Variants in PDE4D observed in about 807,000 individuals in gnomAD.
PDE4D encodes the protein phosphodiesterase 4D.
A neutral mutation model predicts 87.4 loss-of-function variants in PDE4D; 24 were observed. The ratio of observed to expected loss-of-function variants is 0.27; its 90% confidence interval spans 0.20 to 0.39. The LOEUF is 0.39. PDE4D is among the 10% of genes least tolerant of loss of function. The pLI, the probability that PDE4D is intolerant of heterozygous loss-of-function variation, is 1.00. For synonymous variants in PDE4D, 384 were observed against 383.2 expected, an observed-to-expected ratio of 1.00 and a Z score of -0.02; for missense variants, 714 against 1,041.0, an observed-to-expected ratio of 0.69 and a Z score of 4.32.
intron 1 of PDE4D, among the ~76,000 whole-genome samples, chr5:60,401,947 A>G (rs1741128899): frequency 6.6e-6 from 1 of 152,240 alleles, no homozygotes; most frequent in African/African-American, 2.4e-5. Context: ...ATGAATCTCA[A>G]TAAAATCTAA....
intron 2 of PDE4D, among the ~76,000 whole-genome samples, chr5:60,066,854 T>C (rs34932216): frequency 0.14 from 21,874 of 152,062 alleles, 1,607 homozygotes; most frequent in Middle Eastern, 0.22. Flanking sequence ...TTCATATGTT[T>C]TTTCTATAAT....
intron 1 of PDE4D, among the ~76,000 whole-genome samples, chr5:59,509,911 C>T (rs1400370750): frequency 6.8e-6 from 1 of 146,364 alleles, no homozygotes; most frequent in African/African-American, 2.5e-5. Flanking sequence ...ATTATATAAA[C>T]TTATATATAA....
At chr5:59,651,073 G>A (rs1743392529) in intron 1 of PDE4D, among the ~76,000 whole-genome samples, 1 of 151,896 alleles carries the variant, frequency 6.6e-6, no homozygotes, top group Admixed American at 6.6e-5. Flanking sequence ...GGCCAACATA[G>A]TGAAACCCCA....
At chr5:59,860,962 G>A (rs1327607331) in intron 1 of PDE4D, among the ~76,000 whole-genome samples, 3 of 151,508 alleles carry the variant, frequency 2.0e-5, no homozygotes, top group Non-Finnish European at 4.4e-5. Flanking sequence ...GGGTTCAAGC[G>A]ATTCTCCTGA....
chr5:60,304,431 G>GT (rs1754254674), intron 1 of PDE4D, among the ~76,000 whole-genome samples: 1 of 151,384 alleles, frequency 6.6e-6, no homozygotes, highest in African/African-American at 2.4e-5. Context: ...GGATCATGAG[G>GT]TCAGGAGATC....
rs1298201143 is a variant in PDE4D at position 59,736,062 on chromosome 5, A to G, written c.455+157106T>C. ...AAATAAAGAGTCAAATTTATGTGAC[A>G]AAAAGAAATAAAATACATGTATAAC... On this transcript the variant is annotated intron_variant, in intron 1 of 14. Transcript: ENST00000340635. Among the ~76,000 whole-genome samples the G allele has an allele frequency of 3.3e-5, 5 of 152,010 alleles. No individual in the cohort carries two copies. The East Asian group carries it at 7.7e-4, about 23-fold the overall frequency.
At chr5:59,627,697 T>C (rs980608204) in intron 1 of PDE4D, among the ~76,000 whole-genome samples, 1 of 152,226 alleles carries the variant, frequency 6.6e-6, no homozygotes, top group Non-Finnish European at 1.5e-5. Flanking sequence ...AAAATAGTTT[T>C]ATAAAATATA....
intron 5 of PDE4D, among the ~76,000 whole-genome samples, chr5:59,072,897 C>T (rs1438225089): frequency 1.3e-5 from 2 of 152,164 alleles, no homozygotes; most frequent in African/African-American, 4.8e-5. Flanking sequence ...ATGACCGATT[C>T]TGAAGCCTGC....
At chr5:60,256,481 G>C (rs533600087) in intron 1 of PDE4D, among the ~76,000 whole-genome samples, 2 of 151,958 alleles carry the variant, frequency 1.3e-5, no homozygotes, top group Non-Finnish European at 2.9e-5. Context: ...CTAAACTCAT[G>C]TGTCCTTCAA....
chr5:59,117,745 C>A (rs1243110177), intron 5 of PDE4D, among the ~76,000 whole-genome samples: 1 of 151,704 alleles, frequency 6.6e-6, no homozygotes, highest in Non-Finnish European at 1.5e-5. Context: ...TAGCTTGGAA[C>A]CAGCCATGGG....
rs76983075 is a variant in PDE4D at position 59,360,249 on chromosome 5, C to T, written c.456-144281G>A. ...ATCAAGTCTCTAGTTAACAGGCATA[C>T]GGAAGAGACGAGGGTTGAGCTGAAC... is the stretch of plus-strand genomic sequence containing the variant. On this transcript the variant is annotated intron_variant, in intron 1 of 14. Coordinates refer to ENST00000340635, the MANE Select transcript of PDE4D (RefSeq NM_001104631.2). Among the ~76,000 whole-genome samples the T allele has an allele frequency of 3.0e-3, 454 of 152,196 alleles. 3 individuals are homozygous for T. The highest frequency in any genetic ancestry group is 0.01 in the African/African-American group (435 of 41,528).
chr5:60,231,345 T>C (rs772989468), intron 1 of PDE4D, among the ~76,000 whole-genome samples: 1 of 151,992 alleles, frequency 6.6e-6, no homozygotes, highest in East Asian at 1.9e-4. Flanking sequence ...ATTGTTCTAT[T>C]GAGGTTGCTG....
At chr5:59,703,652 C>T (rs750092855) in intron 1 of PDE4D, 3 of 531,786 alleles carry the variant, frequency 5.6e-6, no homozygotes, top group African/African-American at 3.9e-5. Flanking sequence ...CAACCAGTTA[C>T]AATTAGTTAG....
At chr5:59,958,697 A>C (rs1342115330) in intron 3 of PDE4D, among the ~76,000 whole-genome samples, 1 of 152,140 alleles carries the variant, frequency 6.6e-6, no homozygotes, top group African/African-American at 2.4e-5. Context: ...ATATCCCAAA[A>C]TAATAAGAGT....
chr5:59,174,070 G>A (rs1783438798), intron 5 of PDE4D, among the ~76,000 whole-genome samples: 2 of 152,154 alleles, frequency 1.3e-5, no homozygotes. Flanking sequence ...AAAGCATTAA[G>A]TGATTAGCCC....
intron 1 of PDE4D, among the ~76,000 whole-genome samples, chr5:60,478,294 C>T (rs930183307): frequency 6.6e-6 from 1 of 152,104 alleles, no homozygotes; most frequent in Non-Finnish European, 1.5e-5. Flanking sequence ...GTTAGCATCC[C>T]CTTAAATTAT....
At chr5:59,788,913 T>C (rs1765472244) in intron 1 of PDE4D, among the ~76,000 whole-genome samples, 1 of 152,168 alleles carries the variant, frequency 6.6e-6, no homozygotes, top group Non-Finnish European at 1.5e-5. Context: ...ATATGGGCTT[T>C]ACAAAAAGAA....
At position 59,245,423 on chromosome 5, in the gene PDE4D, A is replaced by AG. The variant is rs530283533; in HGVS notation, c.456-29456dup. Among the ~76,000 whole-genome samples, 598 of 152,254 alleles carry AG rather than the reference A, an allele frequency of 3.9e-3. 2 individuals are homozygous for AG. The highest frequency in any genetic ancestry group is 0.037 in the Middle Eastern group (11 of 294). Reference sequence around the variant, plus strand: ...ATTTTTTCCTTCTGGGAGCCGTGTTAGGCTCACAGACATGAAGGCAGCCAG... The same window carrying AG: ...ATTTTTTCCTTCTGGGAGCCGTGTTAGGGCTCACAGACATGAAGGCAGCCAG... On this transcript the variant is annotated intron_variant, in intron 1 of 14. Coordinates refer to ENST00000340635, the MANE Select transcript of PDE4D (RefSeq NM_001104631.2).
intron 1 of PDE4D, among the ~76,000 whole-genome samples, chr5:59,222,383 A>C (rs1039002161): frequency 1.3e-5 from 2 of 152,136 alleles, no homozygotes; most frequent in African/African-American, 2.4e-5. Context: ...GAGTCCTGCT[A>C]CTGTGCTGAG....
Sources: allele counts gnomAD v4.1 joint callset (sites outside exome capture counted in the v4.1 genomes callset), GRCh38; gene constraint gnomAD v4.1.1; transcripts MANE v1.5; gene names NCBI Gene and HGNC (gene_info 2026-07-23, HGNC 2026-07-21).